Variants in PLCD4 observed in about 807,000 individuals in gnomAD.
The protein encoded by PLCD4 is phospholipase C delta 4.
PLCD4 carries 63 observed loss-of-function variants against 90.2 expected under a neutral mutation model. The ratio of observed to expected loss-of-function variants is 0.70; its 90% confidence interval spans 0.57 to 0.86. The LOEUF is 0.86. Ranked by LOEUF, PLCD4 falls within the 40% of genes least tolerant of loss-of-function variation. The probability of loss-of-function intolerance (pLI) is 0.00; values close to 1 mark genes in which losing one functional copy is unlikely to be tolerated. For synonymous variants in PLCD4, 294 were observed against 356.5 expected, an observed-to-expected ratio of 0.82 and a Z score of 1.97; for missense variants, 830 against 956.3, an observed-to-expected ratio of 0.87 and a Z score of 1.74.
chr2:218,622,650 G>A lies in PLCD4; in HGVS notation c.544G>A (p.Ala182Thr). ...CTCCCCTAAACCTCTCTTGCAGGCAGCAGACACGTCCCAGTCTGGAACCCT... is the reference window on the plus strand; with the variant it reads ...CTCCCCTAAACCTCTCTTGCAGGCAACAGACACGTCCCAGTCTGGAACCCT... ...QEYAFSLFQA[A>T]DTSQSGTLEG... is the part of the protein sequence containing the mutation. Residue 182 changes from alanine to threonine, a missense_variant, in exon 6 of 16, where the codon GCA (alanine) becomes ACA (threonine). Coordinates refer to ENST00000450993, the MANE Select transcript of PLCD4 (RefSeq NM_032726.4). The A allele has an allele frequency of 6.2e-7, 1 of 1,612,056 alleles. No homozygotes were observed. Among genetic ancestry groups the A allele is most frequent in the Non-Finnish European group, 8.5e-7 (1 of 1,178,290 alleles).
In PLCD4 at chr2:218,634,147, T is replaced by C. The variant is rs1696567827; in HGVS notation, c.1649T>C (p.Val550Ala). Residue 550 changes from valine to alanine, a missense_variant, in exon 12 of 16, where the codon GTG becomes GCG. Physicochemically the swap from Val to Ala is moderately conservative, Grantham distance 64. Coordinates refer to ENST00000450993, the MANE Select transcript of PLCD4 (RefSeq NM_032726.4). The surrounding 1 kb of genome is among the most constrained non-coding windows in gnomAD (Gnocchi z 4.0). ...VQHNTWQLSR[V>A]YPSGLRTDSS... ...CACAATACTTGGCAGTTAAGCCGTG[T>C]GTATCCCAGCGGCCTGAGGACAGAC... is the stretch of plus-strand genomic sequence containing the variant. 1.6e-5 allele frequency: 26 copies of C among 1,612,848 alleles called. No homozygotes were observed. The highest frequency in any genetic ancestry group is 2.2e-5 in the Non-Finnish European group (26 of 1,179,440).
intron 5 of PLCD4, among the ~76,000 whole-genome samples, chr2:218,621,919 A>T (rs1462426813): frequency 6.6e-6 from 1 of 151,958 alleles, no homozygotes; most frequent in African/African-American, 2.4e-5. Context: ...TCTCTACTAA[A>T]ACTACAAAAA....
chr2:218,621,862 G>T (rs951668450), intron 5 of PLCD4, among the ~76,000 whole-genome samples: 1 of 152,072 alleles, frequency 6.6e-6, no homozygotes, highest in Non-Finnish European at 1.5e-5. Context: ...GGTGGATCAC[G>T]AAGTCAGGAG....
intron 1 of PLCD4, among the ~76,000 whole-genome samples, chr2:218,610,396 T>C (rs1695278807): frequency 1.3e-5 from 2 of 151,802 alleles, no homozygotes; most frequent in African/African-American, 4.8e-5. Flanking sequence ...TAATCCCAGC[T>C]ACTTGGGAGG....
At chr2:218,636,213 C>T in intron 14 of PLCD4, 30 bp from the exon 15 acceptor site, 1 of 1,598,364 alleles carries the variant, frequency 6.3e-7, no homozygotes, top group Non-Finnish European at 8.6e-7. Context: ...GTCATAATGT[C>T]TTCTTATTTC....
intron 6 of PLCD4, among the ~76,000 whole-genome samples, chr2:218,626,639 G>T (rs1038076305): frequency 6.6e-6 from 1 of 152,190 alleles, no homozygotes; most frequent in South Asian, 2.1e-4. Context: ...CATTGTTGTT[G>T]TTGTTGTATA....
At chr2:218,632,738 T>A (rs1309373911) in intron 10 of PLCD4, among the ~76,000 whole-genome samples, 4 of 152,110 alleles carry the variant, frequency 2.6e-5, no homozygotes, top group African/African-American at 9.7e-5. Flanking sequence ...AAGTAGGGGT[T>A]ACTGGAATGA....
intron 1 of PLCD4, among the ~76,000 whole-genome samples, chr2:218,611,679 A>G (rs1575010569): frequency 6.6e-6 from 1 of 151,990 alleles, no homozygotes; most frequent in Non-Finnish European, 1.5e-5. Context: ...GCTCACTGCA[A>G]CCTCTGCCTC....
Position 218,634,107 on chromosome 2 carries a change from A to G in PLCD4, c.1609A>G (p.Asn537Asp). The G allele has an allele frequency of 6.2e-7, 1 of 1,608,690 alleles. No individual in the cohort carries two copies. Among genetic ancestry groups the G allele is most frequent in the East Asian group, 2.2e-5 (1 of 44,762 alleles). The change falls in exon 12 of 16, where the codon AAT becomes GAT. Residue 537 changes from asparagine (N) to aspartate (D), a missense_variant and splice_region_variant. Physicochemically the swap from Asn to Asp is conservative, Grantham distance 23 (BLOSUM62 1). Coordinates refer to ENST00000450993, the MANE Select transcript of PLCD4 (RefSeq NM_032726.4). This position sits in a 1 kb window ranked among gnomAD's most constrained non-coding sequence, Gnocchi z 4.0. The stretch of plus-strand genomic sequence containing the variant: ...TCCCTCTCTATACCCTTTTACAGGC[A>G]ATGAGTTTGTGCAGCACAATACTTG... ...KAKRLIKEAG[N>D]EFVQHNTWQL...
intron 1 of PLCD4, among the ~76,000 whole-genome samples, chr2:218,612,460 A>G (rs1695382457): frequency 6.6e-6 from 1 of 152,168 alleles, no homozygotes; most frequent in African/African-American, 2.4e-5. Flanking sequence ...CTGGATACCT[A>G]TACATTACTA....
intron 4 of PLCD4, chr2:218,619,012 A>G (rs1327587935): frequency 3.4e-6 from 2 of 585,920 alleles, no homozygotes; most frequent in Non-Finnish European, 6.1e-6. Context: ...ATAGCCAGGC[A>G]GGAATCAGGA....
At position 218,615,687 on chromosome 2, in the gene PLCD4, G is replaced by A. The variant is rs975210908; in HGVS notation, c.-33-20G>A. 6.5e-7 allele frequency: 1 copy of A among 1,544,120 alleles called. No homozygotes were observed. Among genetic ancestry groups the A allele is most frequent in the Non-Finnish European group, 8.7e-7 (1 of 1,146,934 alleles). On this transcript the variant is annotated intron_variant, in intron 1 of 15. Transcript: ENST00000450993. ...CTTCAAGATTCACCCAGAGCCCTTT[G>A]CTCTTCCTTGCTCCTTTAGGTGATC...
chr2:218,618,652 C>T lies in PLCD4; in HGVS notation c.255C>T (p.Leu85=). 6.2e-7 allele frequency: 1 copy of T among 1,614,008 alleles called. No homozygotes were observed. The highest frequency in any genetic ancestry group is 8.5e-7 in the Non-Finnish European group (1 of 1,179,886). The change falls in exon 4 of 16, where the codon CTC becomes CTT. Residue 85 remains leucine, a synonymous_variant. Coordinates refer to ENST00000450993, the MANE Select transcript of PLCD4 (RefSeq NM_032726.4). Reference sequence around the variant, plus strand: ...TGCTGCGTAGCCTGGCAGAGGAGCTCCCCCTGGAGCAGGGCTTCACCATTG... The same window carrying T: ...TGCTGCGTAGCCTGGCAGAGGAGCTTCCCCTGGAGCAGGGCTTCACCATTG... ...SELLRSLAEE[L]PLEQGFTIVF... is the part of the protein sequence containing the mutation.
Position 218,628,080 on chromosome 2 carries a change from C to G in PLCD4, c.824C>G (p.Ser275Cys), listed in dbSNP as rs771107451. ...GATGGCTTCCTCAGCTACCTCTGCT[C>G]TAAGGATGGAGACATCTTCAACCCA... ...SMDGFLSYLCSKDGDIFNPAC... is the reference protein window; with the variant it reads ...SMDGFLSYLCCKDGDIFNPAC... The change falls in exon 7 of 16, where the codon TCT becomes TGT. Residue 275 changes from serine to cysteine, a missense_variant. Physicochemically the swap from Ser to Cys is moderately radical, Grantham distance 112 (BLOSUM62 -1). Transcript: ENST00000450993. 2 of 1,614,026 alleles carry G rather than the reference C, an allele frequency of 1.2e-6. No homozygotes were observed. Among genetic ancestry groups the G allele is most frequent in the East Asian group, 2.2e-5 (1 of 44,886 alleles).
rs781372526 is a variant in PLCD4, at chr2:218,632,227, AAG to A, written c.1367_1368del (p.Glu456ValfsTer10). The A allele has an allele frequency of 6.2e-7, 1 of 1,611,644 alleles. No individual in the cohort carries two copies. Among genetic ancestry groups the A allele is most frequent in the Non-Finnish European group, 8.5e-7 (1 of 1,178,964 alleles). ...GAAGAGGAAGCAGAACCTGAGTTGG[AAG>A]AGTCAGAATTGGCGCTGGAGTCCCA... On this transcript the variant is annotated frameshift_variant, in exon 10 of 16. Coordinates refer to ENST00000450993, the MANE Select transcript of PLCD4 (RefSeq NM_032726.4). LOFTEE classifies it high-confidence loss of function.
chr2:218,615,662 C>A, intron 1 of PLCD4, 45 bp from the exon 2 acceptor site: 1 of 1,489,708 alleles, frequency 6.7e-7, no homozygotes, highest in Non-Finnish European at 9.0e-7. Context: ...TACAGACTAT[C>A]TTCAAGATTC....
At chr2:218,630,482 T>A (rs868810172) in intron 8 of PLCD4, among the ~76,000 whole-genome samples, 168 bp from the exon 9 acceptor site, 41 of 152,192 alleles carry the variant, frequency 2.7e-4, no homozygotes, top group African/African-American at 9.4e-4. Flanking sequence ...GGCATGGGCC[T>A]CAGACCCAGC....
At chr2:218,618,995 G>C (rs1695755536) in intron 4 of PLCD4, 188 bp downstream of exon 4, 4 of 598,044 alleles carry the variant, frequency 6.7e-6, no homozygotes, top group Non-Finnish European at 1.2e-5. Flanking sequence ...TGGATGCCAA[G>C]GATCACATAG....
In PLCD4 at chr2:218,618,574, G is replaced by A. The variant is rs1255597003; in HGVS notation, c.182-5G>A. 6.2e-7 allele frequency: 1 copy of A among 1,613,164 alleles called. No homozygotes were observed. On this transcript the variant is annotated splice_polypyrimidine_tract_variant and splice_region_variant and intron_variant, in intron 3 of 15. Coordinates refer to ENST00000450993, the MANE Select transcript of PLCD4 (RefSeq NM_032726.4). ...TAATGCCTCCACCTGTTTCTTCTCT[G>A]GCAGTCTCAATCTCTGATGTGGAGA...
Sources: allele counts gnomAD v4.1 joint callset (sites outside exome capture counted in the v4.1 genomes callset), GRCh38; gene constraint gnomAD v4.1.1; non-coding constraint Gnocchi (gnomAD v3.1); transcripts MANE v1.5; gene names NCBI Gene and HGNC (gene_info 2026-07-23, HGNC 2026-07-21).